Variants in NOVA1 observed in about 807,000 individuals in gnomAD.
The protein encoded by NOVA1 is RNA-binding protein Nova-1.
Under a neutral mutation model 38.0 loss-of-function variants are expected in NOVA1, and 7 were observed. The ratio of observed to expected loss-of-function variants is 0.18; its 90% CI spans 0.10 to 0.35. NOVA1 has a LOEUF of 0.35. NOVA1 is among the 10% of genes least tolerant of loss of function. The pLI, the probability that NOVA1 is intolerant of heterozygous loss-of-function variation, is 1.00. For missense variants in NOVA1, 460 were observed against 616.0 expected (o/e 0.75, Z 2.68); for synonymous variants, 270 against 232.5 (o/e 1.16, Z -1.47).
intron 2 of NOVA1, among the ~76,000 whole-genome samples, chr14:26,573,154 A>G (rs1892597745): frequency 6.6e-6 from 1 of 152,166 alleles, no homozygotes; most frequent in Non-Finnish European, 1.5e-5. Flanking sequence ...AATGAGAGAA[A>G]CTGGATCATA....
chr14:26,595,910 C>A, intron 1 of NOVA1: 1 of 397,314 alleles, frequency 2.5e-6, no homozygotes, highest in Non-Finnish European at 4.9e-6. Context: ...TTTAACAAAA[C>A]TTCAGAGGTT....
chr14:26,595,678 T>C (rs1894144873), intron 1 of NOVA1, 125 bp from the exon 2 acceptor site: 1 of 738,696 alleles, frequency 1.4e-6, no homozygotes, highest in African/African-American at 1.8e-5. Context: ...AATATGAAGT[T>C]AAACATTTTT....
intron 3 of NOVA1, among the ~76,000 whole-genome samples, chr14:26,477,298 AT>A (rs1351439778): frequency 1.3e-5 from 2 of 152,002 alleles, no homozygotes; most frequent in Non-Finnish European, 1.5e-5. Context: ...TCTTACTTTG[AT>A]TTTTTTTAAA....
chr14:26,545,834 C>T (rs1057234059), intron 2 of NOVA1, among the ~76,000 whole-genome samples: 21 of 152,056 alleles, frequency 1.4e-4, no homozygotes, highest in African/African-American at 4.8e-4. Flanking sequence ...TATATACACA[C>T]ACACATTTAC....
In NOVA1 at chr14:26,551,845, A is replaced by G. The variant is rs564531923; in HGVS notation, c.280+43565T>C. ...TTTCTGTAGATATAAAGATATAATA[A>G]CCATTCATACATACATATCCTCCAA... On this transcript the variant is annotated intron_variant, in intron 2 of 4. Coordinates refer to ENST00000539517, the MANE Select transcript of NOVA1 (RefSeq NM_002515.3). Among the ~76,000 whole-genome samples the G allele has an allele frequency of 9.3e-4, 142 of 152,148 alleles. 1 individual carries two copies. The highest frequency in any genetic ancestry group is 3.3e-3 in the African/African-American group (138 of 41,546).
intron 2 of NOVA1, among the ~76,000 whole-genome samples, chr14:26,514,907 A>G (rs979001828): frequency 5.3e-5 from 8 of 151,858 alleles, no homozygotes; most frequent in African/African-American, 1.9e-4. Context: ...TCCCAATAGT[A>G]TATTTCTTTC....
At chr14:26,506,362 T>C (rs1461691760) in intron 2 of NOVA1, among the ~76,000 whole-genome samples, 1 of 152,156 alleles carries the variant, frequency 6.6e-6, no homozygotes, top group African/African-American at 2.4e-5. Flanking sequence ...GAGAAGTAAA[T>C]TCAACCCTAG....
chr14:26,493,462 A>C (rs1886515115), intron 2 of NOVA1, among the ~76,000 whole-genome samples: 2 of 152,208 alleles, frequency 1.3e-5, no homozygotes, highest in African/African-American at 4.8e-5. Context: ...TTAAAATGCT[A>C]TAGATAAGGC....
rs924849572 is a variant in NOVA1, at chr14:26,446,800, G to C, written c.*1159C>G. 1 of 152,618 alleles carries C rather than the reference G, an allele frequency of 6.6e-6. No homozygotes were observed. The highest frequency in any genetic ancestry group is 1.5e-5 in the Non-Finnish European group (1 of 68,050). 9.5% of individuals were successfully genotyped at this position (152,618 alleles called of 1,614,324 possible). ...ATAACACTACCTCTCAAGATAAGCT[G>C]CCTCTTCTAAATAAGCATGCAGGAA... On this transcript the variant is annotated 3_prime_UTR_variant, in exon 5 of 5. Transcript: ENST00000539517.
In NOVA1 at chr14:26,597,306, G is replaced by C; in HGVS notation, c.131C>G (p.Thr44Arg). 3.2e-6 allele frequency: 4 copies of C among 1,249,554 alleles called. No individual in the cohort carries two copies. The highest frequency in any genetic ancestry group is 4.0e-6 in the Non-Finnish European group (4 of 989,818). 77.4% of individuals were successfully genotyped at this position (1,249,554 alleles called of 1,614,324 possible). ...PEAGSTKRTNTGEDGQYFLKV... is the reference protein window; with the variant it reads ...PEAGSTKRTNRGEDGQYFLKV... ...GAGGTGGAAGCGATACCCACCGCCC[G>C]TATTGGTCCTCTTGGTGCTGCCGGC... Residue 44 changes from threonine to arginine, a missense_variant, in exon 1 of 5, where the codon ACG (threonine) becomes AGG (arginine). Physicochemically the swap from Thr to Arg is moderately conservative, Grantham distance 71. Coordinates refer to ENST00000539517, the MANE Select transcript of NOVA1 (RefSeq NM_002515.3).
chr14:26,549,642 G>T, intron 2 of NOVA1: 1 of 899,398 alleles, frequency 1.1e-6, no homozygotes, highest in South Asian at 1.5e-5. Flanking sequence ...TTCTCTTATT[G>T]GGCTTTCCAG....
chr14:26,583,764 G>C (rs1263618786), intron 2 of NOVA1, among the ~76,000 whole-genome samples: 1 of 150,834 alleles, frequency 6.6e-6, no homozygotes, highest in African/African-American at 2.4e-5. Context: ...AAAAATTCAA[G>C]CAAAAAAATT....
At chr14:26,449,093 A>G (rs1345293084) in intron 4 of NOVA1, 130 bp from the exon 5 acceptor site, 2 of 842,942 alleles carry the variant, frequency 2.4e-6, no homozygotes, top group Admixed American at 3.1e-5. Context: ...GAAATATCAC[A>G]ACTTTAAAGT....
chr14:26,596,870 C>T (rs1292341582), intron 1 of NOVA1: 37 of 1,135,108 alleles, frequency 3.3e-5, no homozygotes, highest in Non-Finnish European at 3.9e-5. Flanking sequence ...ATTCGCAATC[C>T]GCTACCCAAG....
intron 2 of NOVA1, among the ~76,000 whole-genome samples, chr14:26,581,456 T>G (rs903151601): frequency 3.9e-5 from 6 of 152,056 alleles, no homozygotes; most frequent in African/African-American, 1.4e-4. Context: ...AATCATTTCA[T>G]GTAAACAATC....
At chr14:26,501,997 TAAAC>T (rs1190752433) in intron 2 of NOVA1, among the ~76,000 whole-genome samples, 3 of 151,934 alleles carry the variant, frequency 2.0e-5, no homozygotes, top group Non-Finnish European at 4.4e-5. Flanking sequence ...TACTTCAGAT[TAAAC>T]AAAATGAGAA....
chr14:26,523,748 A>ATTT lies in NOVA1; in HGVS notation c.281-43608_281-43606dup, dbSNP rs1182238464. 5.9e-3 allele frequency among the ~76,000 whole-genome samples: 646 copies of ATTT among 108,614 alleles called. 31 individuals carry two copies. Among genetic ancestry groups the ATTT allele is most frequent in the African/African-American group, 0.021 (594 of 27,888 alleles). The allele number at this position is 108,614 out of a possible 152,430, so 71.3% of individuals were successfully genotyped here. A position where few individuals can be genotyped will look rare whatever the true frequency, so the allele number is the denominator to read the frequency against. On this transcript the variant is annotated intron_variant, in intron 2 of 4. Coordinates refer to ENST00000539517, the MANE Select transcript of NOVA1 (RefSeq NM_002515.3). ...CTTTTTTTTCCCTATCCACTTGAAGATTTTTTTTTTTTTTTTTTTTGAGAC... is the reference window on the plus strand; with the variant it reads ...CTTTTTTTTCCCTATCCACTTGAAGATTTTTTTTTTTTTTTTTTTTTTTGAGAC...
intron 2 of NOVA1, among the ~76,000 whole-genome samples, chr14:26,526,384 T>C (rs144077851): frequency 0.011 from 1,605 of 152,240 alleles, 27 homozygotes; most frequent in African/African-American, 0.036. Flanking sequence ...CTGATGTTGC[T>C]TGGAAACCTG....
intron 2 of NOVA1, among the ~76,000 whole-genome samples, chr14:26,543,147 A>G (rs1174404747): frequency 1.3e-5 from 2 of 152,012 alleles, no homozygotes; most frequent in Non-Finnish European, 2.9e-5. Flanking sequence ...AATTTCACAT[A>G]TTCCCCATAC....
Sources: allele counts gnomAD v4.1 joint callset (sites outside exome capture counted in the v4.1 genomes callset), GRCh38; gene constraint gnomAD v4.1.1; transcripts MANE v1.5; gene names NCBI Gene and HGNC (gene_info 2026-07-23, HGNC 2026-07-21).